COLEC10: variants seen among roughly 807,000 people sequenced by gnomAD.
The protein encoded by COLEC10 is collectin-10.
COLEC10 carries 22 observed loss-of-function variants against 28.4 expected under a neutral mutation model. The observed-to-expected ratio is 0.78, with a 90% CI of 0.55 to 1.11. The LOEUF is 1.11. Among genes scored for constraint, COLEC10 ranks in the 50% least tolerant of loss-of-function variants. COLEC10 has a pLI of 0.00. For synonymous variants in COLEC10, 125 were observed against 116.1 expected, an observed-to-expected ratio of 1.08 and a Z score of -0.49; for missense variants, 361 against 344.1, an observed-to-expected ratio of 1.05 and a Z score of -0.39.
chr8:119,013,741 C>G (rs562405746), intron 2 of COLEC10, among the ~76,000 whole-genome samples: 1 of 150,634 alleles, frequency 6.6e-6, no homozygotes, highest in African/African-American at 2.5e-5. Context: ...TTCCTAATTA[C>G]TCTCCCTGCT....
At chr8:119,057,549 C>T (rs1216640940) in intron 2 of COLEC10, among the ~76,000 whole-genome samples, 2 of 152,022 alleles carry the variant, frequency 1.3e-5, no homozygotes, top group African/African-American at 4.8e-5. Context: ...ATGACAACTA[C>T]TATTGTACTT....
the COLEC10 span, among the ~76,000 whole-genome samples, chr8:118,981,085 T>G: frequency 6.6e-6 from 1 of 151,872 alleles, no homozygotes; most frequent in African/African-American, 2.4e-5. Flanking sequence ...TTAGTTGGAG[T>G]AAAAGTGTAA....
upstream of COLEC10, among the ~76,000 whole-genome samples, chr8:118,993,334 TTTTG>T (rs375257682): frequency 2.6e-5 from 4 of 152,082 alleles, no homozygotes; most frequent in South Asian, 4.1e-4. Context: ...TCTTCTTGTT[TTTTG>T]TTTGTTTGTT....
At chr8:119,006,622 G>C (rs1813803502) in intron 1 of COLEC10, among the ~76,000 whole-genome samples, 2 of 151,960 alleles carry the variant, frequency 1.3e-5, no homozygotes, top group Non-Finnish European at 2.9e-5. Flanking sequence ...GTTCTTTCTG[G>C]ATCCTGGGCC....
In COLEC10 at chr8:119,105,835, T is replaced by C. The variant is rs745998092; in HGVS notation, c.478T>C (p.Tyr160His). 24 of 1,613,400 alleles carry C rather than the reference T, an allele frequency of 1.5e-5. No individual in the cohort carries two copies. The highest frequency in any genetic ancestry group is 1.1e-4 in the East Asian group (5 of 44,850). Residue 160 changes from tyrosine to histidine, a missense_variant, in exon 6 of 6, where the codon TAC becomes CAC. By Grantham distance (83) the Tyr-to-His change is moderately conservative. Transcript: ENST00000332843. ...GATTAGGGAAACTGAAGAGAAATTC[T>C]ACTACATCGTGCAGGAAGAGAAGAA... ...AGIRETEEKF[Y>H]YIVQEEKNYR...
chr8:119,056,407 A>G lies in COLEC10; in HGVS notation n.236-33273A>G, dbSNP rs571156017. Among the ~76,000 whole-genome samples, 286 of 152,198 alleles carry G rather than the reference A, an allele frequency of 1.9e-3. 1 individual carries two copies. Among genetic ancestry groups the G allele is most frequent in the African/African-American group, 6.6e-3 (274 of 41,556 alleles). On this transcript the variant is annotated intron_variant and non_coding_transcript_variant, in intron 2 of 6. Coordinates refer to the COLEC10 transcript ENST00000521788. Reference sequence around the variant, plus strand: ...TCTGGGAAAAACTCCTTAAAAATTGATTAACTTAACTGTCTTGTTTCATCA... The same window carrying G: ...TCTGGGAAAAACTCCTTAAAAATTGGTTAACTTAACTGTCTTGTTTCATCA...
rs1454784687 is a variant in COLEC10 at position 119,009,477 on chromosome 8, G to A, written n.159G>A. ...CTTTTCTGCTTCTCTGCCACGTAAT[G>A]ACACAGCACAAGGCCCTCACCAGAA... On this transcript the variant is annotated non_coding_transcript_exon_variant, in exon 2 of 7. Transcript: ENST00000521788. The A allele has an allele frequency of 1.3e-5, 2 of 150,696 alleles. 1 individual carries two copies. The highest frequency in any genetic ancestry group is 5.0e-5 in the African/African-American group (2 of 39,916). The allele number at this position is 150,696 out of a possible 1,614,324, so 9.3% of individuals were successfully genotyped here.
intron 1 of COLEC10, among the ~76,000 whole-genome samples, chr8:119,078,650 C>T (rs907668246): frequency 1.3e-5 from 2 of 152,070 alleles, no homozygotes; most frequent in Non-Finnish European, 2.9e-5. Context: ...AAACTAATCA[C>T]GTAGCCCATC....
At chr8:119,028,860 G>T (rs565157039) in intron 2 of COLEC10, among the ~76,000 whole-genome samples, 1 of 152,296 alleles carries the variant, frequency 6.6e-6, no homozygotes, top group Non-Finnish European at 1.5e-5. Context: ...GTGGTAACTA[G>T]TAATTAATGG....
At position 119,106,080 on chromosome 8, in the gene COLEC10, C is replaced by A; in HGVS notation, c.723C>A (p.Asp241Glu). The A allele has an allele frequency of 6.2e-7, 1 of 1,613,916 alleles. No homozygotes were observed. The highest frequency in any genetic ancestry group is 1.1e-5 in the South Asian group (1 of 91,072). The change falls in exon 6 of 6, where the codon GAC becomes GAA. Residue 241 changes from aspartate (D) to glutamate (E), a missense_variant. Transcript: ENST00000332843. The part of the protein sequence containing the change: ...YSNWNEGEPS[D>E]PYGHEDCVEM... ...ACTGGAATGAGGGGGAACCCAGCGA[C>A]CCCTATGGTCATGAGGACTGTGTGG... is the stretch of plus-strand genomic sequence containing the variant.
intron 2 of COLEC10, among the ~76,000 whole-genome samples, chr8:119,034,987 A>G (rs1257979705): frequency 6.6e-6 from 1 of 152,192 alleles, no homozygotes; most frequent in African/African-American, 2.4e-5. Flanking sequence ...AAAGACGAGT[A>G]TTCTGAGTTA....
At chr8:119,103,489 T>C (rs879380927) in intron 4 of COLEC10, among the ~76,000 whole-genome samples, 14 of 152,096 alleles carry the variant, frequency 9.2e-5, no homozygotes, top group Non-Finnish European at 1.9e-4. Flanking sequence ...ACATTCTGTG[T>C]TCAACAAAAA....
At chr8:118,976,624 T>G in the COLEC10 span, 1 of 152,298 alleles carries the variant, frequency 6.6e-6, no homozygotes, top group Admixed American at 6.6e-5. Context: ...ATTTTTACGT[T>G]AGACCTAAAA....
chr8:119,106,500 C>T lies in COLEC10; in HGVS notation c.*309C>T, dbSNP rs1815947260. 3 of 268,470 alleles carry T rather than the reference C, an allele frequency of 1.1e-5. No homozygotes were observed. In the South Asian group the frequency reaches 1.6e-4, roughly 14 times the overall value. The allele number at this position is 268,470 out of a possible 1,614,324, so 16.6% of individuals were successfully genotyped here. ...AGTTGTTCTCTTGGTATTTGCTCTACCATCTCTCCCTAGAGCACTCTGTGT... is the reference window on the plus strand; with the variant it reads ...AGTTGTTCTCTTGGTATTTGCTCTATCATCTCTCCCTAGAGCACTCTGTGT... On this transcript the variant is annotated 3_prime_UTR_variant, in exon 6 of 6. Transcript: ENST00000332843.
At position 119,102,401 on chromosome 8, in the gene COLEC10, G is replaced by A. The variant is rs369252993; in HGVS notation, c.346G>A (p.Gly116Ser). ...AATACCTGGAGAAAAAGGCAAAGCA[G>A]GTACGATATGTTCAATGTTCTCTTT... The part of the protein sequence containing the change: ...LGIPGEKGKA[G>S]TVCDCGRYRK... The change falls in exon 4 of 6, where the codon GGT becomes AGT. Residue 116 changes from glycine (G) to serine (S), a missense_variant and splice_region_variant. Transcript: ENST00000332843. 5 of 1,607,090 alleles carry A rather than the reference G, an allele frequency of 3.1e-6. No homozygotes were observed. The African/African-American group carries it at 5.4e-5, about 17-fold the overall frequency.
chr8:119,071,074 G>A (rs1815114204), intron 1 of COLEC10, among the ~76,000 whole-genome samples: 1 of 152,058 alleles, frequency 6.6e-6, no homozygotes, highest in Non-Finnish European at 1.5e-5. Context: ...TATATATCAG[G>A]TTAGAAAATA....
chr8:118,971,255 C>A, the COLEC10 span, among the ~76,000 whole-genome samples: 1 of 152,060 alleles, frequency 6.6e-6, no homozygotes, highest in Admixed American at 6.6e-5. Flanking sequence ...CCTTGGCATG[C>A]TAGTTGGCAT....
intron 3 of COLEC10, among the ~76,000 whole-genome samples, chr8:119,094,282 T>A (rs1367595388): frequency 6.6e-6 from 1 of 152,182 alleles, no homozygotes; most frequent in Non-Finnish European, 1.5e-5. Flanking sequence ...TAACAGCTTA[T>A]ATATGAAAAC....
chr8:119,058,479 C>T (rs747050151), intron 2 of COLEC10, among the ~76,000 whole-genome samples: 1 of 151,922 alleles, frequency 6.6e-6, no homozygotes, highest in Non-Finnish European at 1.5e-5. Context: ...AGAGGGTTCT[C>T]CTTTTCTAGA....
Sources: gnomAD v4.1 joint callset for allele counts (sites outside exome capture counted in the v4.1 genomes callset) on GRCh38, gnomAD v4.1.1 for gene constraint, MANE v1.5 for transcripts, NCBI Gene and HGNC (gene_info 2026-07-23, HGNC 2026-07-21) for gene names.